The following SUGCT variants were observed in gnomAD, a reference collection of about 807,000 sequenced individuals.
The protein encoded by SUGCT is succinyl-CoA:glutarate CoA-transferase.
Under a neutral mutation model 55.0 loss-of-function variants are expected in SUGCT, and 41 were observed. The observed-to-expected ratio is 0.74, with a 90% CI of 0.58 to 0.97. The LOEUF (loss-of-function observed/expected upper bound fraction) is 0.97, where lower values mean the gene tolerates loss of function less well. Among genes scored for constraint, SUGCT ranks in the 50% least tolerant of loss-of-function variants. The pLI, the probability that SUGCT is intolerant of heterozygous loss-of-function variation, is 0.00. For missense variants in SUGCT, 568 were observed against 547.8 expected, an observed-to-expected ratio of 1.04 and a Z score of -0.37; for synonymous variants, 187 against 200.4, an observed-to-expected ratio of 0.93 and a Z score of 0.56.
chr7:40,988,927 T>C, the SUGCT span, among the ~76,000 whole-genome samples: 1 of 152,124 alleles, frequency 6.6e-6, no homozygotes, highest in Non-Finnish European at 1.5e-5. Context: ...CTCCTCAGTA[T>C]ATAGGCAGGT....
At chr7:40,857,410 G>A (rs1182216502) in intron 13 of SUGCT, among the ~76,000 whole-genome samples, 1 of 152,166 alleles carries the variant, frequency 6.6e-6, no homozygotes, top group Admixed American at 6.5e-5. Context: ...TCCCGTTGCA[G>A]TCTATGTCTT....
chr7:40,997,619 A>G, the SUGCT span, among the ~76,000 whole-genome samples: 1 of 152,162 alleles, frequency 6.6e-6, no homozygotes, highest in Admixed American at 6.5e-5. Context: ...ATAAGGTTGC[A>G]TCTCTTAGAA....
the SUGCT span, among the ~76,000 whole-genome samples, chr7:40,933,195 C>T: frequency 6.6e-6 from 1 of 152,108 alleles, no homozygotes; most frequent in African/African-American, 2.4e-5. Context: ...ACTTAGGAAG[C>T]CTAGTTTCGC....
chr7:40,272,205 G>T, intron 7 of SUGCT, among the ~76,000 whole-genome samples: 2 of 107,694 alleles, frequency 1.9e-5, no homozygotes, highest in African/African-American at 4.1e-5. Flanking sequence ...CAGGGTCTCA[G>T]TCTTTTGCCT....
intron 9 of SUGCT, among the ~76,000 whole-genome samples, chr7:40,392,563 G>A (rs927287018): frequency 4.6e-5 from 7 of 152,236 alleles, no homozygotes; most frequent in South Asian, 2.1e-4. Context: ...TGCAGCAAAA[G>A]TGAGGTCCAA....
chr7:40,916,753 T>C, the SUGCT span, among the ~76,000 whole-genome samples: 370 of 152,348 alleles, frequency 2.4e-3, 1 homozygote, highest in African/African-American at 8.4e-3. Context: ...ACTGGCACTT[T>C]TTGAGGGTCA....
At position 40,281,385 on chromosome 7, in the gene SUGCT, C is replaced by T. The variant is rs112142540; in HGVS notation, c.720+6729C>T. On this transcript the variant is annotated intron_variant, in intron 8 of 13. Coordinates refer to ENST00000335693, the MANE Select transcript of SUGCT (RefSeq NM_001193313.2). Reference sequence around the variant, plus strand: ...GACTAAGGAAATTAAGAGAACTCCTCAAAGGGAGTTTTGTTTTTTCTTCCT... The same window carrying T: ...GACTAAGGAAATTAAGAGAACTCCTTAAAGGGAGTTTTGTTTTTTCTTCCT... Among the ~76,000 whole-genome samples, 238 of 152,270 alleles carry T rather than the reference C, an allele frequency of 1.6e-3. 4 individuals carry two copies. The highest frequency in any genetic ancestry group is 5.4e-3 in the African/African-American group (223 of 41,578).
chr7:40,662,920 C>T (rs1269636138), intron 12 of SUGCT, among the ~76,000 whole-genome samples: 7 of 152,146 alleles, frequency 4.6e-5, no homozygotes, highest in Admixed American at 3.9e-4. Context: ...CGGAGCTTCC[C>T]TCAGAGTGGG....
chr7:40,969,217 T>C, the SUGCT span, among the ~76,000 whole-genome samples: 1 of 152,240 alleles, frequency 6.6e-6, no homozygotes, highest in Admixed American at 6.5e-5. Context: ...ACATGGTCTG[T>C]CTTGACCTTT....
At chr7:40,156,448 G>A (rs1482119882) in intron 1 of SUGCT, among the ~76,000 whole-genome samples, 1 of 152,134 alleles carries the variant, frequency 6.6e-6, no homozygotes, top group Non-Finnish European at 1.5e-5. Context: ...GGGCGACAGA[G>A]TGAGACTCTG....
At chr7:40,153,654 A>G (rs1045632885) in intron 1 of SUGCT, 9 of 523,434 alleles carry the variant, frequency 1.7e-5, no homozygotes, top group African/African-American at 5.8e-5. Flanking sequence ...AACAGGGGCA[A>G]TACCAATAGA....
the SUGCT span, among the ~76,000 whole-genome samples, chr7:40,925,878 G>C: frequency 6.6e-6 from 1 of 152,138 alleles, no homozygotes. Context: ...GGGACTGCTT[G>C]AGTCCAGGAG....
chr7:40,961,854 A>C, the SUGCT span, among the ~76,000 whole-genome samples: 1 of 152,084 alleles, frequency 6.6e-6, no homozygotes, highest in Non-Finnish European at 1.5e-5. Flanking sequence ...CGGTGGGTTC[A>C]TGGTCTCCCT....
the SUGCT span, among the ~76,000 whole-genome samples, chr7:40,937,646 T>A: frequency 1.3e-5 from 2 of 152,236 alleles, no homozygotes; most frequent in East Asian, 3.8e-4. Flanking sequence ...TTATAAAATT[T>A]TGCTATTTGT....
At chr7:40,567,929 A>G (rs1218766614) in intron 12 of SUGCT, among the ~76,000 whole-genome samples, 2 of 152,240 alleles carry the variant, frequency 1.3e-5, no homozygotes, top group Non-Finnish European at 2.9e-5. Context: ...GCATACAAAG[A>G]AAGACTGTAA....
At chr7:40,888,749 G>T in the SUGCT span, among the ~76,000 whole-genome samples, 1 of 152,300 alleles carries the variant, frequency 6.6e-6, no homozygotes, top group South Asian at 2.1e-4. Context: ...ACTGCTCACT[G>T]CATCAGTCAG....
the SUGCT span, among the ~76,000 whole-genome samples, chr7:40,946,570 G>A: frequency 6.6e-6 from 1 of 152,168 alleles, no homozygotes; most frequent in Non-Finnish European, 1.5e-5. Flanking sequence ...GTGGATTTAA[G>A]TTACTCTTTT....
intron 9 of SUGCT, among the ~76,000 whole-genome samples, chr7:40,352,662 C>T (rs372902228): frequency 1.4e-4 from 22 of 152,074 alleles, no homozygotes; most frequent in African/African-American, 5.1e-4. Flanking sequence ...ATATTCCATG[C>T]TTTATCCAGT....
chr7:40,350,649 A>T lies in SUGCT; in HGVS notation c.816+33794A>T, dbSNP rs140510413. The stretch of plus-strand genomic sequence containing the variant: ...CCTGGCCTATTATATTTAGATTTTT[A>T]AAAAAATTATACTTTAAGTTCTGGG... On this transcript the variant is annotated intron_variant, in intron 9 of 13. Coordinates refer to ENST00000335693, the MANE Select transcript of SUGCT (RefSeq NM_001193313.2). Among the ~76,000 whole-genome samples, 1,447 of 151,986 alleles carry T rather than the reference A, an allele frequency of 9.5e-3. 17 individuals carry two copies. Among genetic ancestry groups the T allele is most frequent in the African/African-American group, 0.031 (1,288 of 41,426 alleles).
Sources: gnomAD v4.1 joint callset for allele counts (sites outside exome capture counted in the v4.1 genomes callset) on GRCh38, gnomAD v4.1.1 for gene constraint, MANE v1.5 for transcripts, NCBI Gene and HGNC (gene_info 2026-07-23, HGNC 2026-07-21) for gene names.